Variants in KLF3 observed in about 807,000 individuals in gnomAD.
KLF3 encodes Krueppel-like factor 3.
Under a neutral mutation model 32.7 loss-of-function variants are expected in KLF3, and 6 were observed. That is an observed-to-expected ratio of 0.18 (90% confidence interval 0.10 to 0.36). The LOEUF is 0.36. Ranked by LOEUF, KLF3 falls within the 10% of genes least tolerant of loss-of-function variation. The pLI, the probability that KLF3 is intolerant of heterozygous loss-of-function variation, is 1.00. For synonymous variants in KLF3, 145 were observed against 172.8 expected, an observed-to-expected ratio of 0.84 and a Z score of 1.26; for missense variants, 338 against 449.7, an observed-to-expected ratio of 0.75 and a Z score of 2.25.
At chr4:38,691,337 T>A (rs1016561602) in intron 4 of KLF3, among the ~76,000 whole-genome samples, 7 of 152,214 alleles carry the variant, frequency 4.6e-5, no homozygotes, top group African/African-American at 1.4e-4. Context: ...AAAAAATGAC[T>A]AGGCAAAATG....
intron 1 of KLF3, among the ~76,000 whole-genome samples, chr4:38,666,963 G>A (rs935886640): frequency 5.3e-5 from 8 of 152,186 alleles, no homozygotes; most frequent in African/African-American, 7.2e-5. Context: ...ATTGGAATGG[G>A]GCAGAAAGGG....
chr4:38,679,487 C>T (rs190188037), intron 1 of KLF3, among the ~76,000 whole-genome samples: 40 of 152,190 alleles, frequency 2.6e-4, no homozygotes, highest in African/African-American at 8.2e-4. Flanking sequence ...TGGCATCAGG[C>T]GCTTTGGGAA....
At position 38,680,668 on chromosome 4, in the gene KLF3, G is replaced by T. The variant is rs773927544; in HGVS notation, c.43G>T (p.Asp15Tyr). The change falls in exon 2 of 6, where the codon GAC becomes TAC. Residue 15 changes from aspartate to tyrosine, a missense_variant. Physicochemically the swap from Asp to Tyr is radical, Grantham distance 160. Coordinates refer to ENST00000261438, the MANE Select transcript of KLF3 (RefSeq NM_016531.6). Reference protein sequence around the residue: ...DPVPVKQEAMDPVSVSYPSNY... With the variant: ...DPVPVKQEAMYPVSVSYPSNY... ...AGTTCCTGTCAAGCAAGAGGCCATG[G>T]ACCCTGTCTCAGTGGTAAGTTTTCC... The T allele has an allele frequency of 3.1e-6, 5 of 1,613,310 alleles. No homozygotes were observed. The East Asian group carries it at 1.1e-4, about 36-fold the overall frequency.
chr4:38,680,153 TA>T (rs1171284697), intron 1 of KLF3, among the ~76,000 whole-genome samples: 3 of 151,718 alleles, frequency 2.0e-5, no homozygotes, highest in Non-Finnish European at 2.9e-5. Flanking sequence ...ATTCCAGGGG[TA>T]GGGGAGAAAA....
At position 38,689,081 on chromosome 4, in the gene KLF3, G is replaced by T. The variant is rs369740963; in HGVS notation, c.544+10G>T. On this transcript the variant is annotated intron_variant, in intron 3 of 5. Coordinates refer to ENST00000261438, the MANE Select transcript of KLF3 (RefSeq NM_016531.6). Reference sequence around the variant, plus strand: ...AGTAGTAGCATGCAAGGTAAATTCCGCCACTGCTCCATGCTGCTGCACTTG... The same window carrying T: ...AGTAGTAGCATGCAAGGTAAATTCCTCCACTGCTCCATGCTGCTGCACTTG... 4 of 1,611,616 alleles carry T rather than the reference G, an allele frequency of 2.5e-6. No individual in the cohort carries two copies. Among genetic ancestry groups the T allele is most frequent in the Non-Finnish European group, 3.4e-6 (4 of 1,177,984 alleles).
At chr4:38,693,130 G>A (rs1026963346) in intron 4 of KLF3, among the ~76,000 whole-genome samples, 4 of 82,744 alleles carry the variant, frequency 4.8e-5, no homozygotes, top group African/African-American at 1.4e-4. Flanking sequence ...ATATATATAC[G>A]TGTATATATA....
chr4:38,679,397 T>A (rs1722449743), intron 1 of KLF3, among the ~76,000 whole-genome samples: 1 of 152,254 alleles, frequency 6.6e-6, no homozygotes, highest in Admixed American at 6.5e-5. Flanking sequence ...ACACAAGTGA[T>A]AACACATGTT....
intron 1 of KLF3, among the ~76,000 whole-genome samples, chr4:38,673,142 T>C (rs1340805530): frequency 6.6e-6 from 1 of 152,260 alleles, no homozygotes; most frequent in Non-Finnish European, 1.5e-5. Context: ...TGGAGAATCC[T>C]CAGGAGCAGA....
intron 4 of KLF3, among the ~76,000 whole-genome samples, chr4:38,692,160 CT>C (rs1722893972): frequency 6.6e-6 from 1 of 152,166 alleles, no homozygotes; most frequent in African/African-American, 2.4e-5. Context: ...TTATAGCAAA[CT>C]TAAGAGGGGC....
chr4:38,682,255 C>T (rs943823923), intron 2 of KLF3, among the ~76,000 whole-genome samples: 11 of 152,310 alleles, frequency 7.2e-5, no homozygotes, highest in African/African-American at 2.6e-4. Context: ...GGCCAGGTTT[C>T]ACCATGTTGG....
At position 38,671,069 on chromosome 4, in the gene KLF3, G is replaced by T. The variant is rs1331918010; in HGVS notation, c.-40+6608G>T. Among the ~76,000 whole-genome samples the T allele has an allele frequency of 6.6e-6, 1 of 152,212 alleles. No homozygotes were observed. Among genetic ancestry groups the T allele is most frequent in the African/African-American group, 2.4e-5 (1 of 41,462 alleles). On this transcript the variant is annotated intron_variant, in intron 1 of 5. Transcript: ENST00000261438. This position sits in a 1 kb window ranked among gnomAD's most constrained non-coding sequence, Gnocchi z 4.4. ...ACCCACACCCTCCCTACTGGGGAAAGACCCCAGCATTAGGCGATTTTACCT... is the reference window on the plus strand; with the variant it reads ...ACCCACACCCTCCCTACTGGGGAAATACCCCAGCATTAGGCGATTTTACCT...
intron 4 of KLF3, among the ~76,000 whole-genome samples, chr4:38,692,332 C>T (rs939246731): frequency 2.0e-5 from 3 of 152,262 alleles, no homozygotes; most frequent in South Asian, 2.1e-4. Flanking sequence ...CCAACATCAG[C>T]GTCTTCAGAG....
chr4:38,665,235 G>A (rs1427767512), intron 1 of KLF3, among the ~76,000 whole-genome samples: 1 of 152,138 alleles, frequency 6.6e-6, no homozygotes, highest in Non-Finnish European at 1.5e-5. Flanking sequence ...CTGCCGCAGT[G>A]CCTGGAGCAA....
intron 1 of KLF3, among the ~76,000 whole-genome samples, chr4:38,670,532 A>T (rs1236027102): frequency 6.6e-6 from 1 of 152,202 alleles, no homozygotes; most frequent in African/African-American, 2.4e-5. Context: ...GTTTAAGTGT[A>T]ATCACTGAAA....
chr4:38,670,642 C>T (rs965711472), intron 1 of KLF3, among the ~76,000 whole-genome samples: 7 of 152,234 alleles, frequency 4.6e-5, no homozygotes, highest in African/African-American at 1.7e-4. Flanking sequence ...TCCTGTTCCG[C>T]TGAGTTTCCA....
At chr4:38,692,228 T>C (rs1263271173) in intron 4 of KLF3, among the ~76,000 whole-genome samples, 7 of 152,252 alleles carry the variant, frequency 4.6e-5, no homozygotes, top group Non-Finnish European at 1.0e-4. Context: ...CTGTAACTTC[T>C]TGGTTATAAT....
chr4:38,679,462 G>A (rs577056680), intron 1 of KLF3, among the ~76,000 whole-genome samples: 2 of 152,252 alleles, frequency 1.3e-5, no homozygotes, highest in African/African-American at 2.4e-5. Flanking sequence ...ATAATAGTTC[G>A]TCTTTGCCAG....
At chr4:38,673,035 TTTCTC>T (rs1308236053) in intron 1 of KLF3, among the ~76,000 whole-genome samples, 1 of 152,164 alleles carries the variant, frequency 6.6e-6, no homozygotes, top group Non-Finnish European at 1.5e-5. Flanking sequence ...TCAAAATGCT[TTTCTC>T]TTTCTTTTCT....
intron 1 of KLF3, among the ~76,000 whole-genome samples, chr4:38,676,450 A>G (rs1722352268): frequency 6.6e-6 from 1 of 152,222 alleles, no homozygotes; most frequent in African/African-American, 2.4e-5. Context: ...CAAAATAAAA[A>G]TACATATAAA....
Sources: allele counts gnomAD v4.1 joint callset (sites outside exome capture counted in the v4.1 genomes callset), GRCh38; gene constraint gnomAD v4.1.1; non-coding constraint Gnocchi (gnomAD v3.1); transcripts MANE v1.5; gene names NCBI Gene and HGNC (gene_info 2026-07-23, HGNC 2026-07-21).